RBFOX3: variants seen among roughly 807,000 people sequenced by gnomAD.
RBFOX3 encodes RNA binding protein fox-1 homolog 3.
In RBFOX3, 17 loss-of-function variants were observed where a neutral mutation model predicts 48.7. The ratio of observed to expected loss-of-function variants is 0.35; its 90% confidence interval spans 0.24 to 0.52. RBFOX3 has a LOEUF of 0.52. Among genes scored for constraint, RBFOX3 ranks in the 20% least tolerant of loss-of-function variants. The pLI is 0.94. For synonymous variants in RBFOX3, 212 were observed against 209.5 expected, an observed-to-expected ratio of 1.01 and a Z score of -0.10; for missense variants, 382 against 497.5, an observed-to-expected ratio of 0.77 and a Z score of 2.21.
chr17:79,416,674 C>T (rs988118384), intron 2 of RBFOX3, among the ~76,000 whole-genome samples: 6 of 152,212 alleles, frequency 3.9e-5, no homozygotes, highest in African/African-American at 1.2e-4. Flanking sequence ...CCCGCACCCA[C>T]CCCTCCAGGT....
chr17:79,333,428 G>C lies in RBFOX3; in HGVS notation c.-174-25604C>G, dbSNP rs143823528. Among the ~76,000 whole-genome samples the C allele has an allele frequency of 2.6e-3, 398 of 152,282 alleles. 1 individual carries two copies. The highest frequency in any genetic ancestry group is 9.0e-3 in the African/African-American group (376 of 41,556). On this transcript the variant is annotated intron_variant, in intron 2 of 14. Transcript: ENST00000693108. ...CCCTTCAATCAATACCTGGTGTCAT[G>C]TCATCCAAAGCCATTATTTTTACAC...
At chr17:79,121,856 AC>A (rs748660331) in intron 4 of RBFOX3, among the ~76,000 whole-genome samples, 22 of 152,036 alleles carry the variant, frequency 1.4e-4, no homozygotes, top group East Asian at 1.9e-4. Context: ...TTAAAAAAAA[AC>A]ATCTGTATGT....
At chr17:79,135,697 G>A (rs1044187753) in intron 4 of RBFOX3, among the ~76,000 whole-genome samples, 4 of 152,178 alleles carry the variant, frequency 2.6e-5, no homozygotes, top group African/African-American at 9.7e-5. Flanking sequence ...TTTCCCCAAA[G>A]GACCAGAAAC....
chr17:79,425,739 G>A (rs1165870202), intron 2 of RBFOX3, among the ~76,000 whole-genome samples: 1 of 152,104 alleles, frequency 6.6e-6, no homozygotes, highest in Non-Finnish European at 1.5e-5. Flanking sequence ...AGCAGAGGGA[G>A]CAGTGAAGGG....
At chr17:79,167,674 G>A (rs1416238516) in intron 4 of RBFOX3, among the ~76,000 whole-genome samples, 1 of 152,198 alleles carries the variant, frequency 6.6e-6, no homozygotes, top group African/African-American at 2.4e-5. Flanking sequence ...TGCTTGGTGG[G>A]TCCCCTGCAG....
the RBFOX3 span, among the ~76,000 whole-genome samples, chr17:79,645,877 C>A: frequency 0.01 from 1,599 of 152,314 alleles, 27 homozygotes; most frequent in African/African-American, 0.037. Context: ...GGCCCAGAAC[C>A]AACCTGTGAA....
the RBFOX3 span, among the ~76,000 whole-genome samples, chr17:79,665,458 G>A: frequency 6.6e-6 from 1 of 150,448 alleles, no homozygotes; most frequent in African/African-American, 2.4e-5. Context: ...ACCGACGCCG[G>A]GGTCTGAGCT....
chr17:79,484,816 G>A (rs2079320905), intron 1 of RBFOX3, among the ~76,000 whole-genome samples: 3 of 152,132 alleles, frequency 2.0e-5, no homozygotes, highest in Non-Finnish European at 4.4e-5. Flanking sequence ...CTGAAGATCT[G>A]CACCTAGCCT....
chr17:79,588,329 C>T (rs1322934834), intron 1 of RBFOX3, among the ~76,000 whole-genome samples: 6 of 152,146 alleles, frequency 3.9e-5, no homozygotes, highest in African/African-American at 7.2e-5. Flanking sequence ...TATTCTCCCC[C>T]GGGGACTCTG....
chr17:79,121,957 T>C (rs537330214), intron 4 of RBFOX3, among the ~76,000 whole-genome samples: 1 of 152,128 alleles, frequency 6.6e-6, no homozygotes, highest in South Asian at 2.1e-4. Flanking sequence ...CTGATACACT[T>C]TGGGGGTTTG....
chr17:79,589,473 C>A (rs1450636616), intron 1 of RBFOX3, among the ~76,000 whole-genome samples: 1 of 152,154 alleles, frequency 6.6e-6, no homozygotes, highest in Non-Finnish European at 1.5e-5. Context: ...CCCCCCATCC[C>A]CTCTGAGAAG....
chr17:79,164,053 GGTGTGGGCT>G (rs2047504433), intron 4 of RBFOX3, among the ~76,000 whole-genome samples: 6 of 152,220 alleles, frequency 3.9e-5, no homozygotes, highest in Non-Finnish European at 7.3e-5. Flanking sequence ...CTCAGACAGA[GGTGTGGGCT>G]CCAGGAATCC....
At chr17:79,451,737 A>G (rs2073549414) in intron 2 of RBFOX3, among the ~76,000 whole-genome samples, 1 of 152,246 alleles carries the variant, frequency 6.6e-6, no homozygotes, top group Non-Finnish European at 1.5e-5. Context: ...GGTCCCCCGC[A>G]ACCTTCCATT....
intron 1 of RBFOX3, among the ~76,000 whole-genome samples, chr17:79,517,762 G>A (rs983224457): frequency 2.0e-5 from 3 of 152,120 alleles, no homozygotes; most frequent in African/African-American, 4.8e-5. Flanking sequence ...TTATCATTTC[G>A]GTAACATCGA....
At chr17:79,148,408 A>G (rs564411626) in intron 4 of RBFOX3, among the ~76,000 whole-genome samples, 6 of 152,326 alleles carry the variant, frequency 3.9e-5, no homozygotes, top group Admixed American at 2.0e-4. Flanking sequence ...CCTGGGTGAC[A>G]GAAGTTGGGG....
At chr17:79,371,083 CGGTGTCCCTCCTCCTGTCTG>C (rs1254489952) in intron 2 of RBFOX3, among the ~76,000 whole-genome samples, 4 of 152,334 alleles carry the variant, frequency 2.6e-5, no homozygotes, top group African/African-American at 7.2e-5. Context: ...CAGGCCAGCA[CGGTGTCCCTCCTCCTGTCTG>C]GGTGTCCCTG....
intron 2 of RBFOX3, among the ~76,000 whole-genome samples, chr17:79,320,822 G>T (rs2078413496): frequency 6.6e-6 from 1 of 151,802 alleles, no homozygotes; most frequent in Non-Finnish European, 1.5e-5. Flanking sequence ...ACAACTTTGA[G>T]GTGCTGTTCT....
intron 2 of RBFOX3, among the ~76,000 whole-genome samples, chr17:79,468,764 G>A (rs1472881529): frequency 6.6e-6 from 1 of 151,692 alleles, no homozygotes; most frequent in Non-Finnish European, 1.5e-5. Context: ...AGGATGGATG[G>A]ATGGATAGAT....
intron 1 of RBFOX3, among the ~76,000 whole-genome samples, chr17:79,553,986 G>A (rs990460666): frequency 7.2e-5 from 11 of 152,204 alleles, no homozygotes; most frequent in African/African-American, 1.2e-4. Context: ...CACCCGCCTC[G>A]GCCTCCCAAA....
Sources: gnomAD v4.1 joint callset for allele counts (sites outside exome capture counted in the v4.1 genomes callset) on GRCh38, gnomAD v4.1.1 for gene constraint, MANE v1.5 for transcripts, NCBI Gene and HGNC (gene_info 2026-07-23, HGNC 2026-07-21) for gene names.